The following CFAP61 variants were observed in gnomAD, a reference collection of about 807,000 sequenced individuals.
CFAP61 encodes cilia- and flagella-associated protein 61.
Under a neutral mutation model 135.6 loss-of-function variants are expected in CFAP61, and 107 were observed. The observed-to-expected ratio is 0.79, with a 90% CI of 0.67 to 0.93. CFAP61 has a LOEUF of 0.93. Among genes scored for constraint, CFAP61 ranks in the 40% least tolerant of loss-of-function variants. The pLI is 0.00. For missense variants in CFAP61, 1,507 were observed against 1,556.2 expected, an observed-to-expected ratio of 0.97 and a Z score of 0.53; for synonymous variants, 575 against 578.5, an observed-to-expected ratio of 0.99 and a Z score of 0.09.
At chr20:20,233,292 C>A (rs56849896) in intron 18 of CFAP61, among the ~76,000 whole-genome samples, 10,137 of 152,270 alleles carry the variant, frequency 0.067, 1,160 homozygotes, top group East Asian at 0.53. Context: ...GTCAGTGCTT[C>A]CTTGCTGATC....
chr20:20,310,712 C>A (rs1441002817), intron 25 of CFAP61, among the ~76,000 whole-genome samples: 4 of 152,202 alleles, frequency 2.6e-5, no homozygotes, highest in Non-Finnish European at 5.9e-5. Context: ...TGAGAAACTG[C>A]CACAAAAGTT....
At chr20:20,262,909 A>C in intron 20 of CFAP61, 47 bp from the exon 21 acceptor site, 1 of 1,300,152 alleles carries the variant, frequency 7.7e-7, no homozygotes. Flanking sequence ...CACTGTCACC[A>C]CTTTATCTAT....
At chr20:20,249,432 G>A (rs762570421) in intron 19 of CFAP61, among the ~76,000 whole-genome samples, 10 of 152,092 alleles carry the variant, frequency 6.6e-5, no homozygotes, top group Admixed American at 1.3e-4. Flanking sequence ...CCAGCTGCTC[G>A]AGAGTCTGAG....
intron 8 of CFAP61, among the ~76,000 whole-genome samples, chr20:20,132,619 A>G (rs997060932): frequency 6.6e-6 from 1 of 152,042 alleles, no homozygotes; most frequent in African/African-American, 2.4e-5. Flanking sequence ...TGCTTTGATT[A>G]TGGATTTATT....
chr20:20,239,169 A>G (rs957890636), intron 18 of CFAP61, among the ~76,000 whole-genome samples: 4 of 152,172 alleles, frequency 2.6e-5, no homozygotes, highest in Non-Finnish European at 5.9e-5. Flanking sequence ...TTGAATATTC[A>G]TAGGCAATCA....
At chr20:20,178,455 G>C (rs1243776984) in intron 13 of CFAP61, among the ~76,000 whole-genome samples, 1 of 152,160 alleles carries the variant, frequency 6.6e-6, no homozygotes, top group Non-Finnish European at 1.5e-5. Context: ...ATATTCAGGT[G>C]AACTGGTTGC....
At chr20:20,085,144 T>G (rs935663284) in intron 6 of CFAP61, 97 of 985,344 alleles carry the variant, frequency 9.8e-5, no homozygotes, top group Non-Finnish European at 1.2e-4. Context: ...ACTGGAACAC[T>G]GTGCGGCCTG....
chr20:20,321,489 A>G (rs1428204254), intron 25 of CFAP61, among the ~76,000 whole-genome samples: 3 of 152,262 alleles, frequency 2.0e-5, no homozygotes, highest in African/African-American at 7.2e-5. Context: ...TATAGATTTA[A>G]GGTAAAAAGG....
intron 18 of CFAP61, among the ~76,000 whole-genome samples, chr20:20,239,817 A>G (rs942886469): frequency 6.6e-6 from 1 of 152,198 alleles, no homozygotes; most frequent in African/African-American, 2.4e-5. Flanking sequence ...ATTTAAAAAG[A>G]GGTTTCCAGT....
At chr20:20,104,342 T>C (rs554649930) in intron 8 of CFAP61, among the ~76,000 whole-genome samples, 1 of 152,178 alleles carries the variant, frequency 6.6e-6, no homozygotes, top group Non-Finnish European at 1.5e-5. Context: ...CACATTTGCT[T>C]CTTATCTCAG....
intron 8 of CFAP61, among the ~76,000 whole-genome samples, chr20:20,105,055 T>C (rs1259208687): frequency 6.6e-6 from 1 of 152,078 alleles, no homozygotes; most frequent in African/African-American, 2.4e-5. Context: ...CAGGAGAGGC[T>C]CTATGGTATC....
rs771735943 is a variant in CFAP61, at chr20:20,288,678, G to A, written c.2866G>A (p.Val956Met). ...TAAAGCCCTCAATGATGCATGTCTT[G>A]TGTATGACAGTCGACTTGTGATTGA... ...TFKALNDACL[V>M]YDSRLVIDTN... Residue 956 changes from valine to methionine, a missense_variant, in exon 23 of 27, where the codon GTG becomes ATG. Val to Met is a conservative substitution (Grantham distance 21). Coordinates refer to ENST00000245957, the MANE Select transcript of CFAP61 (RefSeq NM_015585.4). 1.1e-5 allele frequency: 17 copies of A among 1,614,126 alleles called. No individual in the cohort carries two copies. The highest frequency in any genetic ancestry group is 2.5e-6 in the Non-Finnish European group (3 of 1,179,968).
Position 20,359,344 on chromosome 20 carries a change from C to CT in CFAP61, c.3514-858dup, listed in dbSNP as rs11482667. ...TTCAAGTAAAAAGGTTTAATCACTC[C>CT]TTTTTTTTATTTTTAAATTTTTTTA... is the stretch of plus-strand genomic sequence containing the variant. On this transcript the variant is annotated intron_variant, in intron 26 of 26. Coordinates refer to ENST00000245957, the MANE Select transcript of CFAP61 (RefSeq NM_015585.4). The surrounding 1 kb of genome is among the most constrained non-coding windows in gnomAD (Gnocchi z 4.0). Among the ~76,000 whole-genome samples the CT allele has an allele frequency of 0.26, 39,529 of 151,806 alleles. 5,768 individuals are homozygous for CT. Among genetic ancestry groups the CT allele is most frequent in the Admixed American group, 0.35 (5,268 of 15,242 alleles).
chr20:20,160,096 C>T (rs958135582), intron 10 of CFAP61, among the ~76,000 whole-genome samples: 5 of 152,190 alleles, frequency 3.3e-5, no homozygotes, highest in Admixed American at 2.6e-4. Context: ...GAACCCTGCT[C>T]AGGATCTCAG....
chr20:20,262,816 T>TC, intron 20 of CFAP61, 140 bp from the exon 21 acceptor site: 1 of 424,718 alleles, frequency 2.4e-6, no homozygotes, highest in Non-Finnish European at 4.1e-6. Context: ...TTTTTTTTTT[T>TC]TTCAATTAAA....
intron 26 of CFAP61, among the ~76,000 whole-genome samples, chr20:20,343,718 A>C (rs1051236849): frequency 6.6e-6 from 1 of 152,162 alleles, no homozygotes; most frequent in Admixed American, 6.5e-5. Context: ...ATCCCATCAA[A>C]ACTCTGTGCC....
At position 20,134,222 on chromosome 20, in the gene CFAP61, C is replaced by G. The variant is rs558662193; in HGVS notation, c.860-8635C>G. 7.2e-5 allele frequency among the ~76,000 whole-genome samples: 11 copies of G among 152,300 alleles called. No individual in the cohort carries two copies. In the South Asian group the frequency reaches 2.1e-3, roughly 29 times the overall value. Reference sequence around the variant, plus strand: ...CACATAGACTTCATAGACCTCAAAGCTTTTGAGTAAAACTTCAAAGCAAAT... The same window carrying G: ...CACATAGACTTCATAGACCTCAAAGGTTTTGAGTAAAACTTCAAAGCAAAT... On this transcript the variant is annotated intron_variant, in intron 8 of 26. Transcript: ENST00000245957.
At chr20:20,064,032 A>ACCCCCCCCCCCC (rs373522191) in intron 2 of CFAP61, among the ~76,000 whole-genome samples, 18 of 113,210 alleles carry the variant, frequency 1.6e-4, no homozygotes, top group Admixed American at 2.8e-4. Context: ...AAATAGAGTA[A>ACCCCCCCCCCCC]CCGCCCCCCA....
Position 20,164,054 on chromosome 20 carries a change from T to G in CFAP61, c.1031T>G (p.Ile344Arg), listed in dbSNP as rs1272444630. The G allele has an allele frequency of 5.6e-6, 9 of 1,607,112 alleles. No individual in the cohort carries two copies. The highest frequency in any genetic ancestry group is 6.0e-6 in the Non-Finnish European group (7 of 1,176,198). Residue 344 changes from isoleucine (I) to arginine (R), a missense_variant, in exon 11 of 27, where the codon ATA becomes AGA. Physicochemically the swap from Ile to Arg is moderately conservative, Grantham distance 97. Transcript: ENST00000245957. ...QSGNVSEPEDIEKLSDISTGY... is the reference protein window; with the variant it reads ...QSGNVSEPEDREKLSDISTGY... ...CCTCCTGTCTCCTTGCTCTAGGACA[T>G]AGAAAAACTCAGTGACATCTCCACT...
Sources: gnomAD v4.1 joint callset for allele counts (sites outside exome capture counted in the v4.1 genomes callset) on GRCh38, gnomAD v4.1.1 for gene constraint, Gnocchi (gnomAD v3.1) non-coding constraint, MANE v1.5 for transcripts, NCBI Gene and HGNC (gene_info 2026-07-23, HGNC 2026-07-21) for gene names.